Variants in NUP133 observed in about 807,000 individuals in gnomAD.
NUP133 encodes the protein nucleoporin 133.
NUP133 carries 66 observed loss-of-function variants against 146.2 expected under a neutral mutation model. That is an observed-to-expected ratio of 0.45 (90% CI 0.37 to 0.55). The LOEUF (loss-of-function observed/expected upper bound fraction) is 0.55, where lower values mean the gene tolerates loss of function less well. NUP133 is among the 20% of genes least tolerant of loss of function. The pLI is 0.00. For synonymous variants in NUP133, 521 were observed against 498.8 expected (o/e 1.04, Z -0.59); for missense variants, 1,277 against 1,374.8 (o/e 0.93, Z 1.12).
rs1353362043 is a variant in NUP133, at chr1:229,466,657, TCAC to T, written c.2173_2175del (p.Val725del). The T allele has an allele frequency of 3.1e-6, 5 of 1,614,098 alleles. No individual in the cohort carries two copies. Among genetic ancestry groups the T allele is most frequent in the East Asian group, 2.2e-5 (1 of 44,864 alleles). ...ACCTTGAGAATATTGTTCACATTGA[TCAC>T]CACTTCAGCCCATTCAATGGAATCC... is the stretch of plus-strand genomic sequence containing the variant. On this transcript the variant is annotated inframe_deletion, in exon 16 of 26. Transcript: ENST00000261396.
intron 9 of NUP133, 146 bp from the exon 10 acceptor site, chr1:229,487,759 T>C: frequency 3.3e-6 from 2 of 602,900 alleles, no homozygotes; most frequent in Non-Finnish European, 2.8e-6. Context: ...ATGAGATGAT[T>C]AACAAAACAT....
chr1:229,492,881 CA>C (rs1463419031), intron 8 of NUP133, among the ~76,000 whole-genome samples: 7 of 151,324 alleles, frequency 4.6e-5, no homozygotes, highest in African/African-American at 1.7e-4. Flanking sequence ...CCCATGTAAC[CA>C]AAAACCACCT....
At chr1:229,488,407 A>G (rs558816621) in intron 9 of NUP133, among the ~76,000 whole-genome samples, 1 of 152,332 alleles carries the variant, frequency 6.6e-6, no homozygotes, top group East Asian at 1.9e-4. Context: ...ATCTCATTAA[A>G]TAAAATTAGA....
chr1:229,470,345 T>A (rs1259035789), intron 15 of NUP133, among the ~76,000 whole-genome samples: 1 of 151,434 alleles, frequency 6.6e-6, no homozygotes, highest in South Asian at 2.1e-4. Flanking sequence ...GAGACAGTTA[T>A]TGGGGGAAAA....
At chr1:229,492,156 C>T (rs909277807) in intron 8 of NUP133, among the ~76,000 whole-genome samples, 1 of 150,684 alleles carries the variant, frequency 6.6e-6, no homozygotes, top group Non-Finnish European at 1.5e-5. Flanking sequence ...GCCCAGGCTG[C>T]AGTGCCGGGG....
intron 12 of NUP133, among the ~76,000 whole-genome samples, chr1:229,480,769 C>G (rs1435910955): frequency 6.6e-6 from 1 of 152,040 alleles, no homozygotes; most frequent in Non-Finnish European, 1.5e-5. Flanking sequence ...TCACTACAAC[C>G]TCCGCCACCT....
At chr1:229,454,156 C>T (rs1236625969) in intron 21 of NUP133, among the ~76,000 whole-genome samples, 1 of 152,190 alleles carries the variant, frequency 6.6e-6, no homozygotes, top group African/African-American at 2.4e-5. Flanking sequence ...ATATACAGCA[C>T]ATCTCCTAGG....
At chr1:229,458,375 T>G (rs1005039482) in intron 20 of NUP133, 79 bp from the exon 21 acceptor site, 1 of 1,472,234 alleles carries the variant, frequency 6.8e-7, no homozygotes, top group African/African-American at 1.4e-5. Flanking sequence ...ACCCCAAACT[T>G]GTTTTTCTCC....
intron 12 of NUP133, among the ~76,000 whole-genome samples, chr1:229,482,239 G>C (rs1661232868): frequency 6.6e-6 from 1 of 152,150 alleles, no homozygotes; most frequent in Admixed American, 6.5e-5. Flanking sequence ...AAGCACTTTG[G>C]AATCTGTTGT....
chr1:229,484,933 C>A (rs1661311578), intron 11 of NUP133, among the ~76,000 whole-genome samples: 1 of 151,998 alleles, frequency 6.6e-6, no homozygotes, highest in African/African-American at 2.4e-5. Flanking sequence ...AAAATTGTTT[C>A]TTTCCTTTAA....
At chr1:229,483,516 C>G (rs1661268824) in intron 12 of NUP133, among the ~76,000 whole-genome samples, 1 of 151,858 alleles carries the variant, frequency 6.6e-6, no homozygotes, top group Non-Finnish European at 1.5e-5. Context: ...ACTAGCCTGG[C>G]CAACATGGTG....
intron 2 of NUP133, 32 bp from the exon 3 acceptor site, chr1:229,502,134 TTATAG>T (rs776835908): frequency 5.9e-5 from 88 of 1,495,476 alleles, no homozygotes; most frequent in South Asian, 5.9e-4. Context: ...GTGATTAATC[TTATAG>T]TATAAATCTT....
In NUP133 at chr1:229,460,683, C is replaced by A. The variant is rs750605484; in HGVS notation, c.2772G>T (p.Gln924His). The change falls in exon 20 of 26, where the codon CAG becomes CAT. Residue 924 changes from glutamine (Q) to histidine (H), a missense_variant. Gln to His is a conservative substitution (Grantham distance 24). Transcript: ENST00000261396. ...CATGAGCTTGCAAAAAATTTGCCAA[C>A]TGTCCATGCTGAGAAATGGGCTGAG... is the stretch of plus-strand genomic sequence containing the variant. ...LLSQPISQHG[Q>H]LANFLQAHEH... 1 of 1,614,104 alleles carries A rather than the reference C, an allele frequency of 6.2e-7. No homozygotes were observed. Among genetic ancestry groups the A allele is most frequent in the Admixed American group, 1.7e-5 (1 of 60,014 alleles).
chr1:229,502,080 G>A lies in NUP133; in HGVS notation c.324C>T (p.Asn108=). The A allele has an allele frequency of 6.2e-7, 1 of 1,613,700 alleles. No individual in the cohort carries two copies. Among genetic ancestry groups the A allele is most frequent in the Non-Finnish European group, 8.5e-7 (1 of 1,179,808 alleles). Residue 108 remains asparagine, a synonymous_variant, in exon 3 of 26, where the codon AAC becomes AAT. Coordinates refer to ENST00000261396, the MANE Select transcript of NUP133 (RefSeq NM_018230.3). The part of the protein sequence containing the change: ...LAEVDDQLTI[N]IDEGGWACLV... ...GACAAGCCCATCCACCTTCATCTAT[G>A]TTAATGGTCAGCTGGTCATCGACTA...
At chr1:229,479,344 A>G (rs1661152510) in intron 12 of NUP133, among the ~76,000 whole-genome samples, 1 of 152,160 alleles carries the variant, frequency 6.6e-6, no homozygotes, top group South Asian at 2.1e-4. Flanking sequence ...GTAGACCCAC[A>G]CAGTTCAAAG....
intron 14 of NUP133, among the ~76,000 whole-genome samples, chr1:229,472,907 C>G (rs1660993191): frequency 6.6e-6 from 1 of 151,772 alleles, no homozygotes; most frequent in Non-Finnish European, 1.5e-5. Flanking sequence ...TATGGCCCTG[C>G]AGATGCCAAG....
At chr1:229,506,193 C>T (rs756798377) in intron 1 of NUP133, 35 bp from the exon 2 acceptor site, 4 of 1,220,208 alleles carry the variant, frequency 3.3e-6, no homozygotes, top group South Asian at 1.5e-5. Flanking sequence ...TTACTTGTAA[C>T]TTAAAATTCT....
chr1:229,442,262 G>C (rs1020271932), intron 25 of NUP133, among the ~76,000 whole-genome samples: 2 of 152,102 alleles, frequency 1.3e-5, no homozygotes, highest in East Asian at 3.8e-4. Context: ...TCCCTCCAGT[G>C]GTCAAAATAG....
chr1:229,505,564 T>TTA (rs1553260997), intron 2 of NUP133, among the ~76,000 whole-genome samples: 3 of 63,220 alleles, frequency 4.7e-5, no homozygotes, highest in Non-Finnish European at 6.1e-5. Context: ...CAATTACAGT[T>TTA]AAAAAAAAAA....
Sources: allele counts gnomAD v4.1 joint callset (sites outside exome capture counted in the v4.1 genomes callset), GRCh38; gene constraint gnomAD v4.1.1; transcripts MANE v1.5; gene names NCBI Gene and HGNC (gene_info 2026-07-23, HGNC 2026-07-21).